The following CLCN3 variants were observed in gnomAD, a reference collection of about 807,000 sequenced individuals.
The protein encoded by CLCN3 is H(+)/Cl(-) exchange transporter 3.
CLCN3 carries 16 observed loss-of-function variants against 83.4 expected under a neutral mutation model. That is an observed-to-expected ratio of 0.19 (90% CI 0.13 to 0.29). The LOEUF (loss-of-function observed/expected upper bound fraction) is 0.29, where lower values mean the gene tolerates loss of function less well. Among genes scored for constraint, CLCN3 ranks in the 10% least tolerant of loss-of-function variants. The probability of loss-of-function intolerance (pLI) is 1.00; values close to 1 mark genes in which losing one functional copy is unlikely to be tolerated. For synonymous variants in CLCN3, 322 were observed against 346.2 expected, an observed-to-expected ratio of 0.93 and a Z score of 0.78; for missense variants, 544 against 1,006.0, an observed-to-expected ratio of 0.54 and a Z score of 6.21.
intron 1 of CLCN3, among the ~76,000 whole-genome samples, chr4:169,622,078 G>A (rs1418251221): frequency 1.3e-5 from 2 of 152,174 alleles, no homozygotes; most frequent in Non-Finnish European, 2.9e-5. Context: ...ATTCATCACA[G>A]ATTGCATACC....
chr4:169,637,236 C>G (rs1730237071), intron 2 of CLCN3, among the ~76,000 whole-genome samples: 1 of 151,972 alleles, frequency 6.6e-6, no homozygotes, highest in African/African-American at 2.4e-5. Context: ...ATTATGAATC[C>G]TTTTTCAGAT....
At chr4:169,654,440 AG>A (rs1226750885) in intron 2 of CLCN3, among the ~76,000 whole-genome samples, 1 of 151,578 alleles carries the variant, frequency 6.6e-6, no homozygotes, top group African/African-American at 2.4e-5. Flanking sequence ...TATTTTGATG[AG>A]TTTTTTTTCT....
chr4:169,639,751 GGA>G (rs1730346654), intron 2 of CLCN3, among the ~76,000 whole-genome samples: 5 of 152,276 alleles, frequency 3.3e-5, no homozygotes, highest in Admixed American at 2.0e-4. Context: ...CAGTATCTGG[GGA>G]GTATGGAAGT....
At chr4:169,718,862 A>G (rs184546726) in intron 12 of CLCN3, among the ~76,000 whole-genome samples, 102 of 152,220 alleles carry the variant, frequency 6.7e-4, no homozygotes, top group Admixed American at 6.4e-3. Context: ...CTTCACCTAT[A>G]ATAATCTTTT....
At chr4:169,705,091 G>A (rs1421557460) in intron 10 of CLCN3, among the ~76,000 whole-genome samples, 2 of 152,126 alleles carry the variant, frequency 1.3e-5, no homozygotes, top group Non-Finnish European at 2.9e-5. Context: ...ATATATACAA[G>A]GTTAAAAGAG....
At chr4:169,702,204 T>C (rs1227112630) in intron 9 of CLCN3, among the ~76,000 whole-genome samples, 1 of 152,202 alleles carries the variant, frequency 6.6e-6, no homozygotes, top group Non-Finnish European at 1.5e-5. Context: ...CATCACCTGA[T>C]GGTTGCCTGA....
At position 169,720,545 on chromosome 4, in the gene CLCN3, T is replaced by TCTCTCTCTCTCTCTCTCTCTCTCC. The variant is rs1733599701; in HGVS notation, c.*562_*563insCTCTCTCTCCCTCTCTCTCTCTCT. ...CTTTATTTCTCTCTCTCTCTCTCTC[T>TCTCTCTCTCTCTCTCTCTCTCTCC]CTCTCTCTCTCTCTACTGAGCTGTA... On this transcript the variant is annotated 3_prime_UTR_variant, in exon 13 of 13. Coordinates refer to ENST00000513761, the MANE Select transcript of CLCN3 (RefSeq NM_001829.4). 6.5e-6 allele frequency: 1 copy of TCTCTCTCTCTCTCTCTCTCTCTCC among 152,856 alleles called. No homozygotes were observed. The highest frequency in any genetic ancestry group is 2.1e-4 in the South Asian group (1 of 4,822). The allele number at this position is 152,856 out of a possible 1,614,324, so 9.5% of individuals were successfully genotyped here. A position where few individuals can be genotyped will look rare whatever the true frequency, so the allele number is the denominator to read the frequency against.
At chr4:169,659,817 T>A (rs1296231598) in intron 2 of CLCN3, among the ~76,000 whole-genome samples, 1 of 152,116 alleles carries the variant, frequency 6.6e-6, no homozygotes, top group African/African-American at 2.4e-5. Context: ...ATGACATTAC[T>A]GTATAAAACT....
intron 2 of CLCN3, among the ~76,000 whole-genome samples, chr4:169,649,391 A>T (rs1488070357): frequency 6.6e-6 from 1 of 152,264 alleles, no homozygotes; most frequent in African/African-American, 2.4e-5. Flanking sequence ...TTGTAATTTA[A>T]GAAGATCATT....
At chr4:169,657,437 T>C (rs1730919569) in intron 2 of CLCN3, among the ~76,000 whole-genome samples, 2 of 152,144 alleles carry the variant, frequency 1.3e-5, no homozygotes, top group African/African-American at 4.8e-5. Flanking sequence ...GTTTCTCTGC[T>C]CCTGTATTTT....
intron 1 of CLCN3, among the ~76,000 whole-genome samples, chr4:169,635,313 A>G (rs1773475052): frequency 6.6e-6 from 1 of 152,188 alleles, no homozygotes; most frequent in Admixed American, 6.5e-5. Flanking sequence ...ACTAGTTAGG[A>G]GTAATACAGA....
At chr4:169,702,915 T>C (rs1291489646) in intron 9 of CLCN3, 1 of 178,816 alleles carries the variant, frequency 5.6e-6, no homozygotes, top group African/African-American at 2.3e-5. Context: ...TTAGAGACCA[T>C]TGTAGGGTTC....
chr4:169,625,029 G>A lies in CLCN3; in HGVS notation c.-17+3966G>A, dbSNP rs1773197743. Among the ~76,000 whole-genome samples, 6 of 152,254 alleles carry A rather than the reference G, an allele frequency of 3.9e-5. 1 individual carries two copies. The South Asian group carries it at 1.2e-3, about 32-fold the overall frequency. On this transcript the variant is annotated intron_variant, in intron 1 of 12. Transcript: ENST00000513761. ...CTGGTCTTGAACTCCTGACCCAGGT[G>A]ATCTGCCCACTTCGGCCTCCCAAAG... is the stretch of plus-strand genomic sequence containing the variant.
intron 10 of CLCN3, among the ~76,000 whole-genome samples, chr4:169,706,330 C>T (rs1732994301): frequency 6.6e-6 from 1 of 151,984 alleles, no homozygotes; most frequent in Admixed American, 6.6e-5. Context: ...GTGCCTGGCC[C>T]AAATAGTTTT....
intron 2 of CLCN3, among the ~76,000 whole-genome samples, chr4:169,647,354 C>T (rs1036838521): frequency 2.6e-5 from 4 of 152,078 alleles, no homozygotes; most frequent in African/African-American, 4.8e-5. Flanking sequence ...TCAGCCACTG[C>T]ACTCCAGCCT....
intron 3 of CLCN3, among the ~76,000 whole-genome samples, chr4:169,681,705 T>TA (rs1480350101): frequency 6.6e-6 from 1 of 152,040 alleles, no homozygotes; most frequent in East Asian, 1.9e-4. Context: ...ACTGAGGATT[T>TA]TAAAAAAAAA....
intron 12 of CLCN3, among the ~76,000 whole-genome samples, chr4:169,719,371 T>C (rs1733546482): frequency 6.6e-6 from 1 of 152,140 alleles, no homozygotes; most frequent in Non-Finnish European, 1.5e-5. Context: ...GCAGGAGAAT[T>C]GCTTGAACCG....
At chr4:169,687,928 A>C (rs1732225456) in intron 4 of CLCN3, among the ~76,000 whole-genome samples, 171 bp downstream of exon 4, 1 of 152,242 alleles carries the variant, frequency 6.6e-6, no homozygotes. Flanking sequence ...TTCCAAGTCT[A>C]GTCTTGGCTC....
At chr4:169,697,970 T>G (rs1281477345) in intron 9 of CLCN3, among the ~76,000 whole-genome samples, 1 of 152,254 alleles carries the variant, frequency 6.6e-6, no homozygotes, top group East Asian at 1.9e-4. Context: ...TATTTTGTTC[T>G]TGATATTGAG....
Sources: allele counts gnomAD v4.1 joint callset (sites outside exome capture counted in the v4.1 genomes callset), GRCh38; gene constraint gnomAD v4.1.1; transcripts MANE v1.5; gene names NCBI Gene and HGNC (gene_info 2026-07-23, HGNC 2026-07-21).